Variants in LMNTD1 observed in about 807,000 individuals in gnomAD.
LMNTD1 encodes lamin tail domain containing 1.
Under a neutral mutation model 50.9 loss-of-function variants are expected in LMNTD1, and 35 were observed. The observed-to-expected ratio is 0.69, with a 90% CI of 0.53 to 0.91. The LOEUF is 0.91. Ranked by LOEUF, LMNTD1 falls within the 40% of genes least tolerant of loss-of-function variation. LMNTD1 has a pLI of 0.00. For synonymous variants in LMNTD1, 153 were observed against 161.9 expected (o/e 0.94, Z 0.42); for missense variants, 470 against 475.5 (o/e 0.99, Z 0.11).
intron 4 of LMNTD1, among the ~76,000 whole-genome samples, chr12:25,527,668 A>ATATATATATAT (rs1941862508): frequency 4.7e-5 from 1 of 21,332 alleles, no homozygotes; most frequent in African/African-American, 1.1e-4. Context: ...ATATATATAT[A>ATATATATATAT]TATATATATA....
chr12:25,508,696 T>C (rs962768938), intron 8 of LMNTD1, among the ~76,000 whole-genome samples: 3 of 152,200 alleles, frequency 2.0e-5, no homozygotes, highest in African/African-American at 7.2e-5. Context: ...TATTCATTTT[T>C]CTTGCCTTAT....
intron 4 of LMNTD1, among the ~76,000 whole-genome samples, chr12:25,527,307 CAA>C (rs1941796900): frequency 6.7e-6 from 1 of 148,630 alleles, no homozygotes; most frequent in African/African-American, 2.5e-5. Flanking sequence ...AAAAGTAGAT[CAA>C]GAGACAAATC....
chr12:25,503,600 A>G (rs1209651482), intron 9 of LMNTD1, 138 bp downstream of exon 9: 4 of 568,598 alleles, frequency 7.0e-6, no homozygotes, highest in Non-Finnish European at 1.2e-5. Flanking sequence ...GGCAACATAA[A>G]TATTTAACAG....
intron 1 of LMNTD1, among the ~76,000 whole-genome samples, chr12:25,562,026 G>A (rs1284633103): frequency 6.6e-6 from 1 of 152,140 alleles, no homozygotes; most frequent in African/African-American, 2.4e-5. Flanking sequence ...GAGCCTATGT[G>A]TGTCTCTGCA....
At chr12:25,478,889 T>C (rs2135901961) in intron 9 of LMNTD1, among the ~76,000 whole-genome samples, 1 of 152,082 alleles carries the variant, frequency 6.6e-6, no homozygotes, top group South Asian at 2.1e-4. Context: ...TTTTTTTTTT[T>C]CTTGGTGGAA....
chr12:25,555,362 A>G (rs1286775065), upstream of LMNTD1, among the ~76,000 whole-genome samples: 1 of 152,200 alleles, frequency 6.6e-6, no homozygotes, highest in Non-Finnish European at 1.5e-5. Context: ...AACAAAATCA[A>G]CCTGAATCTG....
intron 1 of LMNTD1, among the ~76,000 whole-genome samples, chr12:25,593,962 A>G (rs1283818925): frequency 6.6e-6 from 1 of 152,216 alleles, no homozygotes; most frequent in African/African-American, 2.4e-5. Context: ...CAAGCCAAAG[A>G]AAGAACTTCA....
intron 1 of LMNTD1, among the ~76,000 whole-genome samples, chr12:25,609,602 T>A (rs1254823200): frequency 6.6e-6 from 1 of 152,178 alleles, no homozygotes. Context: ...TCTGTTGGGG[T>A]TTGCTGAAGC....
At chr12:25,524,535 A>G (rs1206473559) in intron 6 of LMNTD1, among the ~76,000 whole-genome samples, 2 of 152,224 alleles carry the variant, frequency 1.3e-5, no homozygotes, top group East Asian at 3.9e-4. Flanking sequence ...TAAAATCTGC[A>G]TTCCAGGAGC....
chr12:25,605,390 C>T (rs9669183), intron 1 of LMNTD1, among the ~76,000 whole-genome samples: 89,326 of 151,866 alleles, frequency 0.59, 28,136 homozygotes, highest in Non-Finnish European at 0.72. Flanking sequence ...CCATTGCTTT[C>T]GGTGTTTTAA....
chr12:25,555,497 G>T (rs978599467), upstream of LMNTD1, among the ~76,000 whole-genome samples: 2 of 152,154 alleles, frequency 1.3e-5, no homozygotes, highest in Non-Finnish European at 2.9e-5. Context: ...GCAAACTGTA[G>T]AAATTTATAA....
upstream of LMNTD1, among the ~76,000 whole-genome samples, chr12:25,555,764 T>C (rs1009987349): frequency 6.6e-6 from 1 of 152,152 alleles, no homozygotes; most frequent in Non-Finnish European, 1.5e-5. Context: ...AATAGTTACA[T>C]GGAGATTCAT....
intron 1 of LMNTD1, among the ~76,000 whole-genome samples, chr12:25,639,576 G>T (rs1244136971): frequency 2.6e-5 from 4 of 152,110 alleles, no homozygotes; most frequent in East Asian, 3.9e-4. Context: ...ATCATTAGGG[G>T]AATGGAAATC....
chr12:25,569,704 G>C (rs1318752419), intron 1 of LMNTD1, among the ~76,000 whole-genome samples: 4 of 152,074 alleles, frequency 2.6e-5, no homozygotes, highest in Non-Finnish European at 5.9e-5. Flanking sequence ...ATGATATCTG[G>C]TTGTTTAAAA....
At chr12:25,576,723 T>G (rs1212058564) in intron 1 of LMNTD1, among the ~76,000 whole-genome samples, 1 of 152,250 alleles carries the variant, frequency 6.6e-6, no homozygotes, top group Non-Finnish European at 1.5e-5. Context: ...AATTTTGGCT[T>G]TTGTTGCCAT....
chr12:25,579,235 A>T (rs1482109998), intron 1 of LMNTD1, among the ~76,000 whole-genome samples: 2 of 152,224 alleles, frequency 1.3e-5, no homozygotes, highest in African/African-American at 4.8e-5. Context: ...TATATTTTTT[A>T]AAATGAATAG....
chr12:25,615,954 A>G (rs1946344530), intron 1 of LMNTD1, among the ~76,000 whole-genome samples: 1 of 152,200 alleles, frequency 6.6e-6, no homozygotes, highest in East Asian at 1.9e-4. Flanking sequence ...TATATTCAAC[A>G]CACATTTATT....
At chr12:25,553,435 C>T (rs934804722), upstream of LMNTD1, among the ~76,000 whole-genome samples, 1 of 152,156 alleles carries the variant, frequency 6.6e-6, no homozygotes, top group African/African-American at 2.4e-5. Flanking sequence ...CTTAGGAAAG[C>T]CATATCTTCC....
chr12:25,570,855 A>T (rs1481955861), intron 1 of LMNTD1, among the ~76,000 whole-genome samples: 1 of 152,236 alleles, frequency 6.6e-6, no homozygotes, highest in Non-Finnish European at 1.5e-5. Flanking sequence ...TACTACAAGC[A>T]ATCATTTGCA....
Sources: gnomAD v4.1 joint callset for allele counts (sites outside exome capture counted in the v4.1 genomes callset) on GRCh38, gnomAD v4.1.1 for gene constraint, MANE v1.5 for transcripts, NCBI Gene and HGNC (gene_info 2026-07-23, HGNC 2026-07-21) for gene names.